The following DLGAP2 variants were observed in gnomAD, a reference collection of about 807,000 sequenced individuals.
DLGAP2 encodes the protein DLG associated protein 2.
Under a neutral mutation model 100.3 loss-of-function variants are expected in DLGAP2, and 26 were observed. That is an observed-to-expected ratio of 0.26 (90% confidence interval 0.19 to 0.36). DLGAP2 has a LOEUF of 0.36. Ranked by LOEUF, DLGAP2 falls within the 10% of genes least tolerant of loss-of-function variation. DLGAP2 has a pLI of 1.00. For missense variants in DLGAP2, 1,858 were observed against 1,453.2 expected (o/e 1.28, Z -4.53); for synonymous variants, 886 against 630.1 (o/e 1.41, Z -6.08).
At chr8:1,613,313 A>G (rs1337080388) in intron 6 of DLGAP2, among the ~76,000 whole-genome samples, 1 of 148,762 alleles carries the variant, frequency 6.7e-6, no homozygotes, top group African/African-American at 2.5e-5. Flanking sequence ...AACACCGCAT[A>G]TTCTCACTCA....
At chr8:1,696,637 G>T (rs1799404527) in intron 13 of DLGAP2, among the ~76,000 whole-genome samples, 1 of 152,238 alleles carries the variant, frequency 6.6e-6, no homozygotes, top group South Asian at 2.1e-4. Flanking sequence ...CTAAGTGTGG[G>T]CGCCGGTTGG....
intron 2 of DLGAP2, among the ~76,000 whole-genome samples, chr8:1,231,858 T>C (rs1007367843): frequency 6.6e-6 from 1 of 152,162 alleles, no homozygotes; most frequent in East Asian, 1.9e-4. Flanking sequence ...TACTATACTC[T>C]GTAGCTGGGT....
chr8:1,155,880 C>T (rs1476723887), intron 2 of DLGAP2, among the ~76,000 whole-genome samples: 2 of 152,134 alleles, frequency 1.3e-5, no homozygotes, highest in Admixed American at 6.5e-5. Flanking sequence ...GACGCGCTGT[C>T]TGCATCCAGC....
At chr8:1,696,347 G>A in intron 13 of DLGAP2, among the ~76,000 whole-genome samples, 1 of 152,092 alleles carries the variant, frequency 6.6e-6, no homozygotes, top group African/African-American at 2.4e-5. Context: ...CAAAATTAAA[G>A]AAATTAGCTG....
At chr8:1,350,375 T>C (rs1801687093) in intron 3 of DLGAP2, among the ~76,000 whole-genome samples, 1 of 90,356 alleles carries the variant, frequency 1.1e-5, no homozygotes, top group Non-Finnish European at 2.2e-5. Flanking sequence ...GCGTGGGTCC[T>C]GACTGTGCGT....
At chr8:1,144,355 A>C (rs557442702) in intron 2 of DLGAP2, among the ~76,000 whole-genome samples, 9 of 152,376 alleles carry the variant, frequency 5.9e-5, no homozygotes, top group African/African-American at 2.2e-4. Context: ...GCCACGTCCT[A>C]AAGTTTAGTG....
chr8:1,365,910 G>T (rs1265842611), intron 3 of DLGAP2, among the ~76,000 whole-genome samples: 2 of 152,340 alleles, frequency 1.3e-5, no homozygotes, highest in Middle Eastern at 6.8e-3. Flanking sequence ...GGAAAAACAG[G>T]TGATGGCAGA....
chr8:1,445,379 G>C (rs1380701759), intron 3 of DLGAP2, among the ~76,000 whole-genome samples: 1 of 151,076 alleles, frequency 6.6e-6, no homozygotes, highest in Non-Finnish European at 1.5e-5. Flanking sequence ...TGAGAATGGT[G>C]GTTTCCAGTT....
At chr8:879,594 G>T (rs1057228995) in intron 1 of DLGAP2, among the ~76,000 whole-genome samples, 1 of 152,140 alleles carries the variant, frequency 6.6e-6, no homozygotes, top group Non-Finnish European at 1.5e-5. Flanking sequence ...GTCTTCATTA[G>T]TTTCCTAGGA....
intron 2 of DLGAP2, among the ~76,000 whole-genome samples, chr8:1,176,049 C>A (rs1017456702): frequency 1.3e-5 from 2 of 152,174 alleles, no homozygotes; most frequent in Non-Finnish European, 2.9e-5. Flanking sequence ...CCCATTCATA[C>A]ACTGCATAAA....
chr8:974,759 G>A (rs1056063524), intron 2 of DLGAP2, among the ~76,000 whole-genome samples: 1 of 151,984 alleles, frequency 6.6e-6, no homozygotes, highest in Non-Finnish European at 1.5e-5. Context: ...CAGATTAAAA[G>A]GAAATGTATT....
At chr8:1,357,966 G>C (rs942741182) in intron 3 of DLGAP2, among the ~76,000 whole-genome samples, 1 of 152,136 alleles carries the variant, frequency 6.6e-6, no homozygotes, top group Non-Finnish European at 1.5e-5. Flanking sequence ...TGAAATTTAG[G>C]ACAGACCCAA....
chr8:1,582,594 T>C (rs1795968323), intron 6 of DLGAP2, among the ~76,000 whole-genome samples: 2 of 151,974 alleles, frequency 1.3e-5, no homozygotes, highest in Admixed American at 1.3e-4. Flanking sequence ...TTCGTTCTTT[T>C]CTTTTCCCCC....
intron 1 of DLGAP2, among the ~76,000 whole-genome samples, chr8:778,998 G>A (rs1023068271): frequency 5.9e-5 from 9 of 152,248 alleles, no homozygotes; most frequent in African/African-American, 1.4e-4. Flanking sequence ...GCGAGACTCC[G>A]TGGGGTAGGA....
At chr8:1,171,681 T>C (rs1797131549) in intron 2 of DLGAP2, among the ~76,000 whole-genome samples, 2 of 152,182 alleles carry the variant, frequency 1.3e-5, no homozygotes, top group African/African-American at 4.8e-5. Flanking sequence ...TTAAAATCTG[T>C]TTTATCAGAG....
chr8:767,551 T>C (rs1342144421), intron 1 of DLGAP2, among the ~76,000 whole-genome samples: 1 of 152,028 alleles, frequency 6.6e-6, no homozygotes, highest in Non-Finnish European at 1.5e-5. Flanking sequence ...GAGACGGGGT[T>C]TCACCATGTT....
At chr8:1,507,423 G>A (rs1260391480) in intron 4 of DLGAP2, among the ~76,000 whole-genome samples, 1 of 152,190 alleles carries the variant, frequency 6.6e-6, no homozygotes, top group African/African-American at 2.4e-5. Flanking sequence ...CTGCCCCGCT[G>A]GCGCTGGCCG....
chr8:830,497 C>A (rs573080799), intron 1 of DLGAP2, among the ~76,000 whole-genome samples: 1 of 152,120 alleles, frequency 6.6e-6, no homozygotes, highest in Non-Finnish European at 1.5e-5. Flanking sequence ...TCTCTATCTC[C>A]GTGAGTTAGG....
chr8:1,382,351 C>G (rs1796116591), intron 3 of DLGAP2, among the ~76,000 whole-genome samples: 2 of 152,206 alleles, frequency 1.3e-5, no homozygotes, highest in South Asian at 4.1e-4. Context: ...CTCAGGGTGG[C>G]AGAGGAGGAA....
Sources: allele counts gnomAD v4.1 joint callset (sites outside exome capture counted in the v4.1 genomes callset), GRCh38; gene constraint gnomAD v4.1.1; transcripts MANE v1.5; gene names NCBI Gene and HGNC (gene_info 2026-07-23, HGNC 2026-07-21).